RBM26: variants seen among roughly 807,000 people sequenced by gnomAD.
RBM26 encodes the protein RNA-binding protein 26.
A neutral mutation model predicts 123.6 loss-of-function variants in RBM26; 30 were observed. The ratio of observed to expected loss-of-function variants is 0.24; its 90% CI spans 0.18 to 0.33. The LOEUF is 0.33. RBM26 is among the 10% of genes least tolerant of loss of function. RBM26 has a pLI of 1.00. For synonymous variants in RBM26, 400 were observed against 404.4 expected (o/e 0.99, Z 0.13); for missense variants, 947 against 1,203.6 (o/e 0.79, Z 3.15).
chr13:79,373,437 ATT>A (rs2076266523), intron 3 of RBM26, among the ~76,000 whole-genome samples: 8 of 17,042 alleles, frequency 4.7e-4, no homozygotes, highest in Admixed American at 2.9e-3. Context: ...ATAAATATAT[ATT>A]ATATATTATA....
intron 1 of RBM26, among the ~76,000 whole-genome samples, chr13:79,380,496 T>TAAAA (rs71745215): frequency 6.8e-6 from 1 of 147,312 alleles, no homozygotes. Context: ...GGAAAGTTTT[T>TAAAA]AAAAAAAAAA....
chr13:79,375,308 G>A (rs1167607643), intron 3 of RBM26, among the ~76,000 whole-genome samples: 1 of 150,840 alleles, frequency 6.6e-6, no homozygotes, highest in Non-Finnish European at 1.5e-5. Context: ...GAGTAACTGG[G>A]ATTACAGGCA....
chr13:79,359,218 T>C (rs117237264), intron 10 of RBM26, among the ~76,000 whole-genome samples: 1 of 152,162 alleles, frequency 6.6e-6, no homozygotes, highest in Non-Finnish European at 1.5e-5. Context: ...TGCCTACATA[T>C]GAAAGTCTCT....
chr13:79,332,041 A>T (rs1220197257), intron 20 of RBM26, among the ~76,000 whole-genome samples: 1 of 152,206 alleles, frequency 6.6e-6, no homozygotes, highest in Non-Finnish European at 1.5e-5. Context: ...GTTATATCTG[A>T]ATGTCTCAAT....
chr13:79,373,428 TAAATATATATTATATATTA>T (rs2076260045), intron 3 of RBM26, among the ~76,000 whole-genome samples: 1 of 56,092 alleles, frequency 1.8e-5, no homozygotes, highest in Admixed American at 2.6e-4. Flanking sequence ...AAATAAAATA[TAAATATATATTATATATTA>T]TATATAAATA....
At chr13:79,337,430 T>A (rs1285452330) in intron 18 of RBM26, 128 bp from the exon 19 acceptor site, 2 of 1,077,736 alleles carry the variant, frequency 1.9e-6, no homozygotes, top group Non-Finnish European at 2.6e-6. Context: ...TATAAAAGGA[T>A]CACATAATTT....
intron 14 of RBM26, among the ~76,000 whole-genome samples, chr13:79,346,044 C>A (rs9545079): frequency 0.5 from 76,322 of 151,922 alleles, 19,537 homozygotes; most frequent in Middle Eastern, 0.59. Context: ...ATTGTTTTCT[C>A]AAGTCATTGT....
intron 3 of RBM26, chr13:79,376,399 A>C (rs2076673953): frequency 6.6e-6 from 1 of 152,300 alleles, no homozygotes; most frequent in Non-Finnish European, 1.5e-5. Flanking sequence ...AGGTCTCACT[A>C]TATAACCCAG....
chr13:79,377,484 A>C lies in RBM26; in HGVS notation c.222T>G (p.Asp74Glu), dbSNP rs747548020. 3.7e-6 allele frequency: 6 copies of C among 1,612,458 alleles called. No homozygotes were observed. In the Admixed American group the frequency reaches 8.3e-5, roughly 22 times the overall value. The stretch of plus-strand genomic sequence containing the variant: ...GTAGGTAACTCTTTGTATTCACAGC[A>C]TCAAAAAGTTTTTCCACAAATATCT... ...ETQIFVEKLFDAVNTKSYLPP... is the reference protein window; with the variant it reads ...ETQIFVEKLFEAVNTKSYLPP... Residue 74 changes from aspartate (D) to glutamate (E), a missense_variant, in exon 3 of 22, where the codon GAT becomes GAG. Physicochemically the swap from Asp to Glu is conservative, Grantham distance 45 (BLOSUM62 2). Transcript: ENST00000438737.
At chr13:79,331,597 C>T (rs1438167144) in intron 20 of RBM26, among the ~76,000 whole-genome samples, 1 of 151,540 alleles carries the variant, frequency 6.6e-6, no homozygotes, top group Non-Finnish European at 1.5e-5. Context: ...GATCACACCA[C>T]TGCACTCCAG....
chr13:79,381,697 G>C (rs2140270748), intron 1 of RBM26, among the ~76,000 whole-genome samples: 1 of 152,098 alleles, frequency 6.6e-6, no homozygotes, highest in Middle Eastern at 3.4e-3. Flanking sequence ...AGGCTTTCAT[G>C]ATTTTTATAA....
chr13:79,375,621 C>T (rs2076609773), intron 3 of RBM26, among the ~76,000 whole-genome samples: 1 of 152,036 alleles, frequency 6.6e-6, no homozygotes, highest in Non-Finnish European at 1.5e-5. Context: ...AACCCTTATA[C>T]TGTTAGGTAT....
chr13:79,326,234 T>C (rs1224169963), intron 20 of RBM26, among the ~76,000 whole-genome samples: 1 of 152,228 alleles, frequency 6.6e-6, no homozygotes, highest in Non-Finnish European at 1.5e-5. Flanking sequence ...TTTTAAACAG[T>C]ACGAATAATT....
At chr13:79,328,803 A>C (rs542766538) in intron 20 of RBM26, among the ~76,000 whole-genome samples, 1 of 132,066 alleles carries the variant, frequency 7.6e-6, no homozygotes, top group East Asian at 2.0e-4. Context: ...ATTAAACATG[A>C]AAATGGCTCA....
At chr13:79,379,532 G>A (rs1244189408) in intron 1 of RBM26, among the ~76,000 whole-genome samples, 1 of 140,514 alleles carries the variant, frequency 7.1e-6, no homozygotes. Flanking sequence ...GACAAAGTAA[G>A]AACCCTATCT....
downstream of RBM26, among the ~76,000 whole-genome samples, chr13:79,316,234 G>GTGTT (rs1464981888): frequency 1.1e-5 from 1 of 87,306 alleles, no homozygotes; most frequent in Non-Finnish European, 2.8e-5. Flanking sequence ...TGTGTGTGTT[G>GTGTT]GGTGGAGCTT....
intron 1 of RBM26, among the ~76,000 whole-genome samples, chr13:79,398,797 T>C (rs2078813239): frequency 1.3e-5 from 2 of 152,214 alleles, no homozygotes. Flanking sequence ...TACTTAATCT[T>C]CAAATAGCTC....
At chr13:79,365,412 C>A (rs911094029) in intron 9 of RBM26, among the ~76,000 whole-genome samples, 166 bp downstream of exon 9, 1 of 152,116 alleles carries the variant, frequency 6.6e-6, no homozygotes. Flanking sequence ...TACTGCACTC[C>A]AGCCTAGGCC....
At chr13:79,400,126 A>C (rs1360903202) in intron 1 of RBM26, among the ~76,000 whole-genome samples, 1 of 152,178 alleles carries the variant, frequency 6.6e-6, no homozygotes, top group Non-Finnish European at 1.5e-5. Flanking sequence ...CTTTAATCAG[A>C]CTTTAAAGGA....
Sources: gnomAD v4.1 joint callset for allele counts (sites outside exome capture counted in the v4.1 genomes callset) on GRCh38, gnomAD v4.1.1 for gene constraint, MANE v1.5 for transcripts, NCBI Gene and HGNC (gene_info 2026-07-23, HGNC 2026-07-21) for gene names.